Variants in RAD51B observed in about 807,000 individuals in gnomAD.
The protein encoded by RAD51B is RAD51 paralog B, also known as DNA repair protein RAD51 homolog 2.
A neutral mutation model predicts 42.2 loss-of-function variants in RAD51B; 38 were observed. The observed-to-expected ratio is 0.90, with a 90% CI of 0.70 to 1.18. RAD51B has a LOEUF of 1.18. Ranked by LOEUF, RAD51B falls within the 50% of genes most tolerant of loss-of-function variation. The probability of loss-of-function intolerance (pLI) is 0.00; values close to 1 mark genes in which losing one functional copy is unlikely to be tolerated. For missense variants in RAD51B, 373 were observed against 400.7 expected (o/e 0.93, Z 0.59); for synonymous variants, 154 against 145.2 (o/e 1.06, Z -0.43).
intron 4 of RAD51B, among the ~76,000 whole-genome samples, chr14:67,848,877 T>C (rs1180042758): frequency 6.6e-6 from 1 of 152,240 alleles, no homozygotes; most frequent in Non-Finnish European, 1.5e-5. Context: ...TGAAATTATT[T>C]GTTGGTATTT....
chr14:68,030,774 A>G (rs1014082941), intron 7 of RAD51B, among the ~76,000 whole-genome samples: 2 of 152,212 alleles, frequency 1.3e-5, no homozygotes, highest in Admixed American at 1.3e-4. Context: ...CTTTCAGCCT[A>G]TCTTGGCTTC....
At chr14:68,462,357 C>A (rs2085866394) in intron 9 of RAD51B, among the ~76,000 whole-genome samples, 1 of 152,174 alleles carries the variant, frequency 6.6e-6, no homozygotes. Flanking sequence ...GTCTTATTCC[C>A]TGCTCTATCC....
At chr14:68,606,512 C>CT (rs1239879151) in intron 10 of RAD51B, among the ~76,000 whole-genome samples, 3 of 152,132 alleles carry the variant, frequency 2.0e-5, no homozygotes, top group Admixed American at 6.5e-5. Context: ...ATTATGTTGA[C>CT]TTTTTTTCCT....
chr14:68,525,807 C>T (rs546791590), intron 10 of RAD51B, among the ~76,000 whole-genome samples: 53 of 152,274 alleles, frequency 3.5e-4, no homozygotes, highest in African/African-American at 1.2e-3. Context: ...TCAATGAGCT[C>T]CGGCATATGG....
intron 7 of RAD51B, among the ~76,000 whole-genome samples, chr14:68,128,593 G>A (rs533399137): frequency 6.6e-6 from 1 of 152,282 alleles, no homozygotes; most frequent in African/African-American, 2.4e-5. Context: ...ACGGGAGGCT[G>A]AGGTGGGAGA....
At chr14:68,062,939 A>G (rs1461276463) in intron 7 of RAD51B, among the ~76,000 whole-genome samples, 1 of 151,048 alleles carries the variant, frequency 6.6e-6, no homozygotes, top group African/African-American at 2.4e-5. Context: ...TGGTCTGTTC[A>G]TGCTTTCCAT....
intron 8 of RAD51B, among the ~76,000 whole-genome samples, chr14:68,342,984 C>CTTT (rs542285964): frequency 1.4e-5 from 2 of 141,526 alleles, no homozygotes; most frequent in African/African-American, 5.1e-5. Context: ...TTTCTGCTGC[C>CTTT]TTTTTTTTTT....
chr14:68,409,760 T>C (rs1039266039), intron 8 of RAD51B, among the ~76,000 whole-genome samples: 8 of 152,186 alleles, frequency 5.3e-5, no homozygotes, highest in African/African-American at 1.9e-4. Flanking sequence ...GAGATAGTAT[T>C]TAATCTCAGG....
At chr14:68,133,790 T>A (rs147625965) in intron 7 of RAD51B, among the ~76,000 whole-genome samples, 5 of 152,144 alleles carry the variant, frequency 3.3e-5, no homozygotes, top group South Asian at 2.1e-4. Context: ...ATGATTTTTT[T>A]AAGATTATTT....
At chr14:68,167,708 A>T (rs184794531) in intron 7 of RAD51B, among the ~76,000 whole-genome samples, 1 of 152,094 alleles carries the variant, frequency 6.6e-6, no homozygotes, top group South Asian at 2.1e-4. Context: ...GACAACAGGA[A>T]TACTCCTGTA....
chr14:68,599,004 C>A (rs1891112317), downstream of RAD51B, among the ~76,000 whole-genome samples: 1 of 152,172 alleles, frequency 6.6e-6, no homozygotes, highest in Non-Finnish European at 1.5e-5. Context: ...AAGCTGCAGG[C>A]CTTCAGGAAC....
At chr14:67,877,328 T>C (rs756478933) in intron 5 of RAD51B, among the ~76,000 whole-genome samples, 21 of 152,128 alleles carry the variant, frequency 1.4e-4, no homozygotes, top group Admixed American at 2.6e-4. Flanking sequence ...TCAGAAACCA[T>C]GTGATTTGCC....
intron 10 of RAD51B, among the ~76,000 whole-genome samples, chr14:68,602,500 G>GGATAGATA (rs1555430723): frequency 7.4e-6 from 1 of 135,260 alleles, no homozygotes; most frequent in African/African-American, 2.8e-5. Flanking sequence ...ATGGATGGAT[G>GGATAGATA]GATAGCTAGA....
chr14:68,300,784 A>C (rs1053544824), intron 8 of RAD51B, among the ~76,000 whole-genome samples: 1 of 152,206 alleles, frequency 6.6e-6, no homozygotes, highest in Non-Finnish European at 1.5e-5. Flanking sequence ...ACCATGTATA[A>C]GTTACCTCAT....
intron 11 of RAD51B, among the ~76,000 whole-genome samples, chr14:68,669,213 T>C (rs765724970): frequency 3.9e-5 from 6 of 152,242 alleles, no homozygotes; most frequent in Non-Finnish European, 7.3e-5. Flanking sequence ...TAAGCTGATT[T>C]CACTATTTAT....
At chr14:68,473,451 T>TAG (rs1240689086) in intron 10 of RAD51B, among the ~76,000 whole-genome samples, 1 of 152,232 alleles carries the variant, frequency 6.6e-6, no homozygotes, top group African/African-American at 2.4e-5. Context: ...GAAGGACTCG[T>TAG]ATCTGTTCAG....
At chr14:68,001,985 T>C (rs1197363952) in intron 7 of RAD51B, among the ~76,000 whole-genome samples, 1 of 152,180 alleles carries the variant, frequency 6.6e-6, no homozygotes, top group Non-Finnish European at 1.5e-5. Flanking sequence ...TTTGCTATTG[T>C]GTATAGTGGT....
chr14:68,648,563 C>T (rs1199715017), intron 10 of RAD51B, among the ~76,000 whole-genome samples: 1 of 151,444 alleles, frequency 6.6e-6, no homozygotes, highest in African/African-American at 2.4e-5. Context: ...TTCTGTGCAA[C>T]ATCTGCACAC....
At chr14:68,204,805 T>G (rs2079554159) in intron 7 of RAD51B, among the ~76,000 whole-genome samples, 1 of 152,206 alleles carries the variant, frequency 6.6e-6, no homozygotes, top group African/African-American at 2.4e-5. Flanking sequence ...AATTAAAAAT[T>G]GAAAAACTCC....
Sources: gnomAD v4.1 joint callset for allele counts (sites outside exome capture counted in the v4.1 genomes callset) on GRCh38, gnomAD v4.1.1 for gene constraint, MANE v1.5 for transcripts, NCBI Gene and HGNC (gene_info 2026-07-23, HGNC 2026-07-21) for gene names.